Variants in CAMK1D observed in about 807,000 individuals in gnomAD.
The protein encoded by CAMK1D is calcium/calmodulin-dependent protein kinase type 1D.
Under a neutral mutation model 47.7 loss-of-function variants are expected in CAMK1D, and 9 were observed. The ratio of observed to expected loss-of-function variants is 0.19; its 90% CI spans 0.11 to 0.33. The LOEUF (loss-of-function observed/expected upper bound fraction) is 0.33, where lower values mean the gene tolerates loss of function less well. CAMK1D is among the 10% of genes least tolerant of loss of function. The pLI is 1.00. For synonymous variants in CAMK1D, 184 were observed against 184.9 expected, an observed-to-expected ratio of 0.99 and a Z score of 0.04; for missense variants, 291 against 488.7, an observed-to-expected ratio of 0.60 and a Z score of 3.81.
intron 1 of CAMK1D, among the ~76,000 whole-genome samples, chr10:12,399,150 C>A (rs1839080074): frequency 6.6e-6 from 1 of 152,130 alleles, no homozygotes; most frequent in Admixed American, 6.5e-5. Context: ...AAACCATGGT[C>A]TCCTTGAGGC....
At chr10:12,423,827 A>G (rs1049928137) in intron 1 of CAMK1D, among the ~76,000 whole-genome samples, 9 of 152,296 alleles carry the variant, frequency 5.9e-5, no homozygotes, top group African/African-American at 1.4e-4. Context: ...TGTGGTGCCA[A>G]AATCTAGAAA....
chr10:12,520,107 G>A lies in CAMK1D; in HGVS notation c.93-33118G>A, dbSNP rs1431382710. 5.0e-5 allele frequency among the ~76,000 whole-genome samples: 4 copies of A among 80,768 alleles called. 2 individuals carry two copies. Among genetic ancestry groups the A allele is most frequent in the Admixed American group, 4.8e-4 (4 of 8,344 alleles). The allele number at this position is 80,768 out of a possible 152,430, so 53.0% of individuals were successfully genotyped here. On this transcript the variant is annotated intron_variant, in intron 1 of 10. Transcript: ENST00000619168. ...CTCCCTCCCGGACGGGGTGGCTGCC[G>A]GGCGGAGAGGCTCCTCACTTCCCAG...
intron 1 of CAMK1D, among the ~76,000 whole-genome samples, chr10:12,489,101 A>G (rs758476801): frequency 3.3e-5 from 5 of 151,928 alleles, no homozygotes; most frequent in Non-Finnish European, 5.9e-5. Context: ...GTGCCTGGCT[A>G]ATTTTTTTAT....
chr10:12,716,584 A>C (rs2130770909), intron 3 of CAMK1D, among the ~76,000 whole-genome samples: 1 of 152,140 alleles, frequency 6.6e-6, no homozygotes, highest in South Asian at 2.1e-4. Flanking sequence ...AACTTCTCAC[A>C]CCTAGTGTTT....
intron 1 of CAMK1D, among the ~76,000 whole-genome samples, chr10:12,430,172 C>G (rs1468638055): frequency 1.3e-5 from 2 of 152,182 alleles, no homozygotes; most frequent in Non-Finnish European, 2.9e-5. Flanking sequence ...ACCCCTGTTC[C>G]AATCCTGCTC....
intron 1 of CAMK1D, among the ~76,000 whole-genome samples, chr10:12,435,277 G>A (rs1390067404): frequency 6.8e-6 from 1 of 147,924 alleles, no homozygotes; most frequent in Admixed American, 6.9e-5. Flanking sequence ...GAGGCCAATT[G>A]CAGTCCCTGA....
chr10:12,632,160 A>T (rs1370195025), intron 2 of CAMK1D, among the ~76,000 whole-genome samples: 1 of 152,200 alleles, frequency 6.6e-6, no homozygotes, highest in Non-Finnish European at 1.5e-5. Context: ...TTTGTTGCTA[A>T]GATTCGCATC....
chr10:12,774,207 G>A (rs752043057), intron 5 of CAMK1D, among the ~76,000 whole-genome samples: 1 of 152,138 alleles, frequency 6.6e-6, no homozygotes, highest in Non-Finnish European at 1.5e-5. Flanking sequence ...GTGTTAGGTG[G>A]CCTTAAGTAC....
intron 1 of CAMK1D, among the ~76,000 whole-genome samples, chr10:12,517,941 A>G (rs1337202888): frequency 1.3e-5 from 2 of 152,226 alleles, no homozygotes; most frequent in Non-Finnish European, 2.9e-5. Context: ...TCTGTTTTCT[A>G]GAAGAAATGG....
chr10:12,596,826 A>G (rs1251068981), intron 2 of CAMK1D, among the ~76,000 whole-genome samples: 1 of 145,176 alleles, frequency 6.9e-6, no homozygotes, highest in Admixed American at 6.8e-5. Flanking sequence ...TCCCACCCAC[A>G]TTTTTTTTTT....
In CAMK1D at chr10:12,467,255, C is replaced by T. The variant is rs1588518233; in HGVS notation, c.93-85970C>T. On this transcript the variant is annotated intron_variant, in intron 1 of 10. Coordinates refer to ENST00000619168, the MANE Select transcript of CAMK1D (RefSeq NM_153498.4). Reference sequence around the variant, plus strand: ...GCAACCTCTGCCTCCCGGGTTCAAGCGATTGTCCTGCCTCAGCCCCCCGAT... The same window carrying T: ...GCAACCTCTGCCTCCCGGGTTCAAGTGATTGTCCTGCCTCAGCCCCCCGAT... Among the ~76,000 whole-genome samples, 5 of 151,492 alleles carry T rather than the reference C, an allele frequency of 3.3e-5. No homozygotes were observed. In the South Asian group the frequency reaches 1.0e-3, roughly 32 times the overall value.
In CAMK1D at chr10:12,789,463, G is replaced by A. The variant is rs77395927; in HGVS notation, c.566-1695G>A. Reference sequence around the variant, plus strand: ...TATCTAGCTGTGTGATGTGGGACAAGTTACTTAACTTCTCTGAGGCTCATT... The same window carrying A: ...TATCTAGCTGTGTGATGTGGGACAAATTACTTAACTTCTCTGAGGCTCATT... On this transcript the variant is annotated intron_variant, in intron 5 of 10. Coordinates refer to ENST00000619168, the MANE Select transcript of CAMK1D (RefSeq NM_153498.4). 8.3e-3 allele frequency among the ~76,000 whole-genome samples: 1,270 copies of A among 152,334 alleles called. 12 individuals are homozygous for A. The highest frequency in any genetic ancestry group is 0.029 in the African/African-American group (1,212 of 41,574).
chr10:12,570,498 G>T (rs968683285), intron 2 of CAMK1D, among the ~76,000 whole-genome samples: 4 of 151,854 alleles, frequency 2.6e-5, no homozygotes, highest in Non-Finnish European at 4.4e-5. Flanking sequence ...GGCCAACATG[G>T]TGAAACCCCA....
At position 12,800,870 on chromosome 10, in the gene CAMK1D, C is replaced by T. The variant is rs560721834; in HGVS notation, c.641+9637C>T. Among the ~76,000 whole-genome samples, 6 of 152,290 alleles carry T rather than the reference C, an allele frequency of 3.9e-5. No individual in the cohort carries two copies. The South Asian group carries it at 1.0e-3, about 26-fold the overall frequency. The stretch of plus-strand genomic sequence containing the variant: ...CGCTCAGAATAATGACCAGAGGCAG[C>T]GTCTCCCTCTGTCCCTTCTGCAGCA... On this transcript the variant is annotated intron_variant, in intron 6 of 10. Transcript: ENST00000619168.
At chr10:12,453,135 G>A (rs558754187) in intron 1 of CAMK1D, among the ~76,000 whole-genome samples, 24 of 151,698 alleles carry the variant, frequency 1.6e-4, no homozygotes, top group African/African-American at 5.3e-4. Context: ...ATTTCACTCA[G>A]TCCTCAAGAC....
intron 2 of CAMK1D, among the ~76,000 whole-genome samples, chr10:12,577,826 C>A (rs926241411): frequency 1.3e-5 from 2 of 152,206 alleles, no homozygotes; most frequent in Non-Finnish European, 2.9e-5. Context: ...CCTTCCCCAC[C>A]CACGTGGTGT....
chr10:12,726,524 G>A lies in CAMK1D; in HGVS notation c.300-34424G>A, dbSNP rs143952891. 2.4e-3 allele frequency among the ~76,000 whole-genome samples: 367 copies of A among 152,280 alleles called. 3 individuals carry two copies. Among genetic ancestry groups the A allele is most frequent in the South Asian group, 8.7e-3 (42 of 4,816 alleles). ...GTCAACTTTAATTAGACCTAGTGCC[G>A]CAGGAGAATTAAAAGAGACATGTCT... is the stretch of plus-strand genomic sequence containing the variant. On this transcript the variant is annotated intron_variant, in intron 3 of 10. Coordinates refer to ENST00000619168, the MANE Select transcript of CAMK1D (RefSeq NM_153498.4).
chr10:12,427,775 T>G (rs2131982887), intron 1 of CAMK1D, among the ~76,000 whole-genome samples: 1 of 132,098 alleles, frequency 7.6e-6, no homozygotes, highest in East Asian at 2.6e-4. Context: ...TGGCATGACC[T>G]TGGCTCACCG....
intron 1 of CAMK1D, among the ~76,000 whole-genome samples, chr10:12,484,044 G>T (rs1373590550): frequency 3.3e-5 from 5 of 152,162 alleles, no homozygotes; most frequent in African/African-American, 1.2e-4. Context: ...ACTTCATGGG[G>T]GTGTGAGGTT....
Sources: allele counts gnomAD v4.1 joint callset (sites outside exome capture counted in the v4.1 genomes callset), GRCh38; gene constraint gnomAD v4.1.1; transcripts MANE v1.5; gene names NCBI Gene and HGNC (gene_info 2026-07-23, HGNC 2026-07-21).